Variants in ATXN2 observed in about 807,000 individuals in gnomAD.
The protein encoded by ATXN2 is ataxin-2.
ATXN2 carries 37 observed loss-of-function variants against 138.6 expected under a neutral mutation model. The ratio of observed to expected loss-of-function variants is 0.27; its 90% CI spans 0.21 to 0.35. The LOEUF is 0.35. ATXN2 is among the 10% of genes least tolerant of loss of function. ATXN2 has a pLI of 1.00. For missense variants in ATXN2, 1,216 were observed against 1,480.3 expected (o/e 0.82, Z 2.93); for synonymous variants, 549 against 543.7 (o/e 1.01, Z -0.13).
At chr12:111,497,340 AC>A (rs1252913209) in intron 14 of ATXN2, among the ~76,000 whole-genome samples, 1 of 152,196 alleles carries the variant, frequency 6.6e-6, no homozygotes, top group Non-Finnish European at 1.5e-5. Flanking sequence ...CTATTCCAAC[AC>A]AATACAGGAA....
chr12:111,565,165 G>GA (rs11330026), intron 1 of ATXN2, among the ~76,000 whole-genome samples: 53 of 146,754 alleles, frequency 3.6e-4, no homozygotes, highest in South Asian at 4.3e-4. Context: ...TCCACCTACT[G>GA]AAAAAAAAAA....
At chr12:111,489,867 G>A (rs183363221) in intron 14 of ATXN2, among the ~76,000 whole-genome samples, 268 of 152,218 alleles carry the variant, frequency 1.8e-3, no homozygotes, top group African/African-American at 6.1e-3. Context: ...GTCAGAAAAT[G>A]ATAGACTCGT....
At chr12:111,563,495 G>C (rs1447636609) in intron 1 of ATXN2, among the ~76,000 whole-genome samples, 2 of 152,024 alleles carry the variant, frequency 1.3e-5, no homozygotes, top group Non-Finnish European at 2.9e-5. Context: ...CTTGTTATTA[G>C]TACATACAAG....
intron 5 of ATXN2, among the ~76,000 whole-genome samples, chr12:111,534,812 A>G (rs1881054589): frequency 1.3e-5 from 2 of 152,156 alleles, no homozygotes; most frequent in South Asian, 2.1e-4. Flanking sequence ...CATCAGAGGG[A>G]AAAAAACTGA....
chr12:111,558,565 A>G (rs1483460279), intron 1 of ATXN2, among the ~76,000 whole-genome samples: 1 of 152,186 alleles, frequency 6.6e-6, no homozygotes, highest in Non-Finnish European at 1.5e-5. Flanking sequence ...TAGGAGGCTG[A>G]GGCAGGAGGA....
chr12:111,542,317 G>C (rs1005481306), intron 5 of ATXN2, among the ~76,000 whole-genome samples: 7 of 151,690 alleles, frequency 4.6e-5, no homozygotes, highest in Admixed American at 2.0e-4. Flanking sequence ...TGCAAACTCC[G>C]TCTCCTGGAT....
At chr12:111,563,373 TTTG>T (rs1882804801) in intron 1 of ATXN2, among the ~76,000 whole-genome samples, 1 of 152,106 alleles carries the variant, frequency 6.6e-6, no homozygotes, top group African/African-American at 2.4e-5. Context: ...AAAATGTTGA[TTTG>T]TTGATTGTTT....
At chr12:111,576,944 C>T (rs1209543176) in intron 1 of ATXN2, among the ~76,000 whole-genome samples, 1 of 151,700 alleles carries the variant, frequency 6.6e-6, no homozygotes, top group Non-Finnish European at 1.5e-5. Flanking sequence ...GGCGACAGAG[C>T]GAGACTCCGT....
intron 14 of ATXN2, among the ~76,000 whole-genome samples, chr12:111,505,450 C>T (rs1461999282): frequency 3.3e-5 from 5 of 152,148 alleles, no homozygotes; most frequent in East Asian, 1.9e-4. Flanking sequence ...AACCATGTAT[C>T]TAACAGGGAC....
chr12:111,550,523 T>G (rs1362890568), intron 5 of ATXN2, among the ~76,000 whole-genome samples: 1 of 152,230 alleles, frequency 6.6e-6, no homozygotes, highest in African/African-American at 2.4e-5. Context: ...ACTAAAATTT[T>G]ATCTTCCAAA....
chr12:111,559,676 G>C (rs1195157434), intron 1 of ATXN2, among the ~76,000 whole-genome samples: 1 of 150,222 alleles, frequency 6.7e-6, no homozygotes, highest in African/African-American at 2.4e-5. Flanking sequence ...GGGAGGCTGA[G>C]ACCAGAGAAT....
intron 14 of ATXN2, among the ~76,000 whole-genome samples, chr12:111,505,382 T>C (rs1487427799): frequency 6.6e-6 from 1 of 152,176 alleles, no homozygotes; most frequent in Non-Finnish European, 1.5e-5. Flanking sequence ...AAAATTTTTG[T>C]GCTTCAAGGG....
chr12:111,508,672 C>G (rs1403488464), intron 14 of ATXN2, among the ~76,000 whole-genome samples: 4 of 151,942 alleles, frequency 2.6e-5, no homozygotes, highest in African/African-American at 4.8e-5. Context: ...GTCTCGAACT[C>G]CTGACCTTAG....
chr12:111,471,566 A>C (rs995443084), intron 18 of ATXN2: 1 of 152,224 alleles, frequency 6.6e-6, no homozygotes, highest in African/African-American at 2.4e-5. Flanking sequence ...AGGCACAAAG[A>C]ATATAGAACT....
chr12:111,509,435 A>G (rs1879371797), intron 14 of ATXN2, 114 bp downstream of exon 14: 3 of 656,468 alleles, frequency 4.6e-6, no homozygotes, highest in Non-Finnish European at 8.0e-6. Flanking sequence ...TCTGCTTTCT[A>G]CATATATGGT....
At chr12:111,497,586 A>G (rs1019360632) in intron 14 of ATXN2, among the ~76,000 whole-genome samples, 1 of 152,008 alleles carries the variant, frequency 6.6e-6, no homozygotes, top group Non-Finnish European at 1.5e-5. Flanking sequence ...ATCAATAAAC[A>G]TGGTACATCT....
intron 14 of ATXN2, among the ~76,000 whole-genome samples, chr12:111,502,495 T>C (rs1878842402): frequency 6.6e-6 from 1 of 152,164 alleles, no homozygotes; most frequent in African/African-American, 2.4e-5. Context: ...AGCGGCACGA[T>C]CTTAACTCAT....
At chr12:111,474,988 C>T (rs996915477) in intron 18 of ATXN2, among the ~76,000 whole-genome samples, 5 of 151,738 alleles carry the variant, frequency 3.3e-5, no homozygotes, top group East Asian at 3.9e-4. Context: ...CCGAGGCGGG[C>T]GGATCACGAG....
chr12:111,522,228 TAAAAAA>T (rs35035921), intron 6 of ATXN2, among the ~76,000 whole-genome samples: 1 of 108,136 alleles, frequency 9.2e-6, no homozygotes. Context: ...ATGCCCTACA[TAAAAAA>T]AAAAAAAAAA....
Sources: allele counts gnomAD v4.1 joint callset (sites outside exome capture counted in the v4.1 genomes callset), GRCh38; gene constraint gnomAD v4.1.1; transcripts MANE v1.5; gene names NCBI Gene and HGNC (gene_info 2026-07-23, HGNC 2026-07-21).